ZNF423: variants seen among roughly 807,000 people sequenced by gnomAD.
ZNF423 encodes the protein zinc finger protein 423.
ZNF423 carries 12 observed loss-of-function variants against 95.8 expected under a neutral mutation model. The observed-to-expected ratio is 0.13, with a 90% CI of 0.08 to 0.20. The LOEUF is 0.20. ZNF423 is among the 10% of genes least tolerant of loss of function. The pLI is 1.00. For missense variants in ZNF423, 1,316 were observed against 1,737.1 expected, an observed-to-expected ratio of 0.76 and a Z score of 4.31; for synonymous variants, 749 against 711.9, an observed-to-expected ratio of 1.05 and a Z score of -0.83.
At chr16:49,518,663 T>C in intron 7 of ZNF423, 1 of 376,798 alleles carries the variant, frequency 2.7e-6, no homozygotes, top group Non-Finnish European at 5.0e-6. Flanking sequence ...GTCTGTTTTC[T>C]ATGGCGATAT....
At chr16:49,693,561 G>T (rs78812600) in intron 3 of ZNF423, among the ~76,000 whole-genome samples, 39 of 152,092 alleles carry the variant, frequency 2.6e-4, no homozygotes, top group Non-Finnish European at 4.4e-4. Flanking sequence ...CTCCCTACCC[G>T]CTATGTGATT....
intron 7 of ZNF423, among the ~76,000 whole-genome samples, chr16:49,495,117 C>T (rs962446398): frequency 2.6e-5 from 4 of 152,170 alleles, no homozygotes; most frequent in South Asian, 2.1e-4. Flanking sequence ...CACTCGGCCT[C>T]GCTGCCTGCC....
In ZNF423 at chr16:49,652,437, C is replaced by T. The variant is rs1005737858; in HGVS notation, c.302-13563G>A. Among the ~76,000 whole-genome samples, 6 of 152,232 alleles carry T rather than the reference C, an allele frequency of 3.9e-5. No individual in the cohort carries two copies. In the East Asian group the frequency reaches 1.2e-3, roughly 29 times the overall value. On this transcript the variant is annotated intron_variant, in intron 3 of 7. Transcript: ENST00000563137. ...TAAAGAGGAGCCTAGTGATCAACTC[C>T]TGCCAGCAAGGAAGAGCCCCCCAAG...
intron 3 of ZNF423, among the ~76,000 whole-genome samples, chr16:49,697,791 G>T (rs947689618): frequency 3.9e-5 from 6 of 152,394 alleles, no homozygotes; most frequent in Non-Finnish European, 8.8e-5. Context: ...ACAACAAAAG[G>T]CCAGCTGAAA....
At chr16:49,531,604 C>G (rs574213343) in intron 5 of ZNF423, among the ~76,000 whole-genome samples, 1 of 152,220 alleles carries the variant, frequency 6.6e-6, no homozygotes, top group East Asian at 1.9e-4. Context: ...ATCTGGGCAG[C>G]CAGATTGGGC....
intron 5 of ZNF423, among the ~76,000 whole-genome samples, chr16:49,588,467 T>C (rs1246602888): frequency 1.6e-4 from 24 of 152,196 alleles, no homozygotes; most frequent in Admixed American, 1.6e-3. Flanking sequence ...TTTCACTCCA[T>C]CTGGGTATGA....
intron 3 of ZNF423, among the ~76,000 whole-genome samples, chr16:49,646,574 C>CTTTTTCTTTTTTTTTTTT (rs1973179013): frequency 8.5e-6 from 1 of 118,010 alleles, no homozygotes; most frequent in South Asian, 2.8e-4. Flanking sequence ...TTTTCTTTTT[C>CTTTTTCTTTTTTTTTTTT]TTTTTTTTTT....
At chr16:49,688,558 GGAGACTCTATGT>G (rs2031658785) in intron 3 of ZNF423, among the ~76,000 whole-genome samples, 1 of 152,168 alleles carries the variant, frequency 6.6e-6, no homozygotes, top group South Asian at 2.1e-4. Context: ...TCCTAAGTTG[GGAGACTCTATGT>G]ATATTTTATC....
At position 49,741,960 on chromosome 16, in the gene ZNF423, C is replaced by G. The variant is rs553637095; in HGVS notation, c.101-10989G>C. Among the ~76,000 whole-genome samples, 4 of 152,328 alleles carry G rather than the reference C, an allele frequency of 2.6e-5. No homozygotes were observed. The South Asian group carries it at 8.3e-4, about 32-fold the overall frequency. ...TCACTCCAGGTCTCTGCCCACCAGG[C>G]GCTGGTCAGCAGTGAGCTCCCTAAA... On this transcript the variant is annotated intron_variant, in intron 2 of 7. Coordinates refer to ENST00000563137, the MANE Select transcript of ZNF423 (RefSeq NM_001379286.1).
chr16:49,565,325 G>A (rs1970155217), intron 5 of ZNF423, among the ~76,000 whole-genome samples: 1 of 152,128 alleles, frequency 6.6e-6, no homozygotes, highest in Non-Finnish European at 1.5e-5. Flanking sequence ...CGAACAACCA[G>A]GAAACTTTCA....
chr16:49,750,183 G>C (rs1236580910), intron 2 of ZNF423, among the ~76,000 whole-genome samples: 1 of 152,234 alleles, frequency 6.6e-6, no homozygotes, highest in Non-Finnish European at 1.5e-5. Flanking sequence ...CTGGGGAAAA[G>C]TTTAGGAAAT....
At chr16:49,593,700 G>A (rs1188668202) in intron 5 of ZNF423, among the ~76,000 whole-genome samples, 2 of 152,186 alleles carry the variant, frequency 1.3e-5, no homozygotes, top group Non-Finnish European at 2.9e-5. Context: ...TGCTCACAGA[G>A]AAGGGAGAAT....
chr16:49,621,885 T>G (rs1267963530), intron 5 of ZNF423, among the ~76,000 whole-genome samples: 1 of 151,970 alleles, frequency 6.6e-6, no homozygotes, highest in Non-Finnish European at 1.5e-5. Context: ...ACTCCTCTTC[T>G]CCCCCTGCCC....
chr16:49,633,998 G>C (rs533319507), intron 4 of ZNF423, among the ~76,000 whole-genome samples: 1 of 150,692 alleles, frequency 6.6e-6, no homozygotes, highest in East Asian at 2.0e-4. Flanking sequence ...CCTCTGCCTC[G>C]TGGGTTCAAG....
chr16:49,532,380 C>A (rs1360637352), intron 5 of ZNF423, among the ~76,000 whole-genome samples: 1 of 152,160 alleles, frequency 6.6e-6, no homozygotes, highest in Admixed American at 6.5e-5. Flanking sequence ...CCACGCTGCT[C>A]CCATTTTGGG....
chr16:49,582,412 C>G (rs962994115), intron 5 of ZNF423, among the ~76,000 whole-genome samples: 1 of 152,260 alleles, frequency 6.6e-6, no homozygotes, highest in Admixed American at 6.5e-5. Flanking sequence ...AATGCTTTTA[C>G]TTCATCCAGA....
At chr16:49,529,869 C>T (rs1212425901) in intron 5 of ZNF423, among the ~76,000 whole-genome samples, 1 of 152,066 alleles carries the variant, frequency 6.6e-6, no homozygotes, top group Non-Finnish European at 1.5e-5. Flanking sequence ...CCAGCCACAA[C>T]GGATAGTCCC....
In ZNF423 at chr16:49,595,036, C is replaced by G. The variant is rs570642174; in HGVS notation, c.3601+31134G>C. 3.9e-5 allele frequency among the ~76,000 whole-genome samples: 6 copies of G among 152,320 alleles called. No individual in the cohort carries two copies. The South Asian group carries it at 1.2e-3, about 32-fold the overall frequency. On this transcript the variant is annotated intron_variant, in intron 5 of 7. Coordinates refer to ENST00000563137, the MANE Select transcript of ZNF423 (RefSeq NM_001379286.1). Reference sequence around the variant, plus strand: ...CTTGTTTTGGTCCTTAAATTCCTCTCCACCCCACCACCTTGGCCATTTTCA... The same window carrying G: ...CTTGTTTTGGTCCTTAAATTCCTCTGCACCCCACCACCTTGGCCATTTTCA...
chr16:49,557,969 C>G (rs1200811696), intron 5 of ZNF423, among the ~76,000 whole-genome samples: 1 of 152,224 alleles, frequency 6.6e-6, no homozygotes, highest in Non-Finnish European at 1.5e-5. Flanking sequence ...AACAGGGAAA[C>G]AGCCCACAGA....
Sources: gnomAD v4.1 joint callset for allele counts (sites outside exome capture counted in the v4.1 genomes callset) on GRCh38, gnomAD v4.1.1 for gene constraint, MANE v1.5 for transcripts, NCBI Gene and HGNC (gene_info 2026-07-23, HGNC 2026-07-21) for gene names.